The following IGSF10 variants were observed in gnomAD, a reference collection of about 807,000 sequenced individuals.
IGSF10 encodes immunoglobulin superfamily member 10.
A neutral mutation model predicts 128.2 loss-of-function variants in IGSF10; 126 were observed. That is an observed-to-expected ratio of 0.98 (90% CI 0.85 to 1.14). The LOEUF is 1.14. IGSF10 is among the 50% of genes most tolerant of loss of function. The pLI, the probability that IGSF10 is intolerant of heterozygous loss-of-function variation, is 0.00. For synonymous variants in IGSF10, 1,185 were observed against 1,146.2 expected (o/e 1.03, Z -0.68); for missense variants, 3,295 against 3,149.8 (o/e 1.05, Z -1.10).
chr3:151,518,232 CTG>C, the IGSF10 span, among the ~76,000 whole-genome samples: 6 of 151,970 alleles, frequency 3.9e-5, no homozygotes, highest in Non-Finnish European at 5.9e-5. Context: ...ACTGTTCAAA[CTG>C]TGTTCAAATA....
chr3:151,460,962 C>T lies in IGSF10; in HGVS notation c.-105G>A. 1 of 985,356 alleles carries T rather than the reference C, an allele frequency of 1.0e-6. No individual in the cohort carries two copies. Among genetic ancestry groups the T allele is most frequent in the South Asian group, 4.7e-5 (1 of 21,284 alleles). The allele number at this position is 985,356 out of a possible 1,614,324, so 61.0% of individuals were successfully genotyped here. A position where few individuals can be genotyped will look rare whatever the true frequency, so the allele number is the denominator to read the frequency against. On this transcript the variant is annotated 5_prime_UTR_variant, in exon 1 of 8. Transcript: ENST00000282466. ...GGCGCTCACCTGTTTGCCCTGGTGA[C>T]CAATGGGCTCGAGCTGCCCGGGCTA... is the stretch of plus-strand genomic sequence containing the variant.
At chr3:151,522,563 C>T in the IGSF10 span, among the ~76,000 whole-genome samples, 1 of 152,188 alleles carries the variant, frequency 6.6e-6, no homozygotes, top group Admixed American at 6.5e-5. Flanking sequence ...TGTGATTCAT[C>T]ACATAAACAG....
At chr3:151,573,378 T>A in the IGSF10 span, among the ~76,000 whole-genome samples, 2 of 152,188 alleles carry the variant, frequency 1.3e-5, no homozygotes, top group African/African-American at 4.8e-5. Flanking sequence ...TCTTTGTAGG[T>A]CTCTAAGGTC....
chr3:151,540,757 C>A, the IGSF10 span, among the ~76,000 whole-genome samples: 2 of 152,108 alleles, frequency 1.3e-5, no homozygotes, highest in African/African-American at 2.4e-5. Context: ...CAGCAGTGTA[C>A]AAAAATTCCA....
At chr3:151,479,831 T>C in the IGSF10 span, among the ~76,000 whole-genome samples, 3 of 152,232 alleles carry the variant, frequency 2.0e-5, no homozygotes, top group Non-Finnish European at 1.5e-5. Flanking sequence ...CCTCCTCTTC[T>C]ATGCCACTGC....
chr3:151,506,788 C>A, the IGSF10 span, among the ~76,000 whole-genome samples: 2 of 151,892 alleles, frequency 1.3e-5, no homozygotes, highest in Non-Finnish European at 2.9e-5. Context: ...CTTATGGCAA[C>A]AAAACCAGTA....
At chr3:151,591,832 G>A in the IGSF10 span, among the ~76,000 whole-genome samples, 2 of 152,044 alleles carry the variant, frequency 1.3e-5, no homozygotes, top group Non-Finnish European at 2.9e-5. Flanking sequence ...ACTGTTTTAT[G>A]AAAGATGCAA....
the IGSF10 span, among the ~76,000 whole-genome samples, chr3:151,596,781 T>C: frequency 6.6e-6 from 1 of 152,172 alleles, no homozygotes; most frequent in African/African-American, 2.4e-5. Context: ...TGGGTGAGCA[T>C]GTAAACTAAA....
chr3:151,500,651 T>C, the IGSF10 span, among the ~76,000 whole-genome samples: 1 of 152,088 alleles, frequency 6.6e-6, no homozygotes, highest in Non-Finnish European at 1.5e-5. Context: ...AATGAAGAAA[T>C]CGAGACTCAA....
At chr3:151,606,361 C>A in the IGSF10 span, among the ~76,000 whole-genome samples, 10 of 152,142 alleles carry the variant, frequency 6.6e-5, no homozygotes, top group South Asian at 2.1e-4. Flanking sequence ...TTTCGTTATG[C>A]AAATTTCAGA....
At chr3:151,466,949 T>C in the IGSF10 span, among the ~76,000 whole-genome samples, 2 of 151,642 alleles carry the variant, frequency 1.3e-5, no homozygotes, top group African/African-American at 2.4e-5. Flanking sequence ...AATGAGGAAG[T>C]TATAATTTGG....
chr3:151,513,314 C>CAA, the IGSF10 span, among the ~76,000 whole-genome samples: 1,957 of 142,080 alleles, frequency 0.014, 85 homozygotes, highest in East Asian at 0.17. Flanking sequence ...GTTCAACATA[C>CAA]AAAAAAAAAA....
In IGSF10 at chr3:151,448,802, C is replaced by T. The variant is rs1240960751; in HGVS notation, c.1179G>A (p.Leu393=). Residue 393 remains leucine, a synonymous_variant, in exon 6 of 8, where the codon TTG becomes TTA. Transcript: ENST00000282466. ...DSPLILERSH[L]LSETPQLYYK... The stretch of plus-strand genomic sequence containing the variant: ...AATAGAGCTGCGGTGTTTCACTAAG[C>T]AAGTGGCTCCTTTCTAGTATCAGAG... 1.2e-6 allele frequency: 2 copies of T among 1,613,446 alleles called. No individual in the cohort carries two copies. Among genetic ancestry groups the T allele is most frequent in the Non-Finnish European group, 1.7e-6 (2 of 1,179,392 alleles).
At chr3:151,574,123 G>A in the IGSF10 span, among the ~76,000 whole-genome samples, 47 of 152,244 alleles carry the variant, frequency 3.1e-4, no homozygotes, top group African/African-American at 7.0e-4. Context: ...TGGGTAACCC[G>A]ACCTTTCTCT....
the IGSF10 span, among the ~76,000 whole-genome samples, chr3:151,502,895 A>G: frequency 6.6e-6 from 1 of 152,072 alleles, no homozygotes; most frequent in Non-Finnish European, 1.5e-5. Flanking sequence ...GGCCTTAGCA[A>G]ATTTGAACTT....
chr3:151,529,617 C>A, the IGSF10 span, among the ~76,000 whole-genome samples: 3 of 152,120 alleles, frequency 2.0e-5, no homozygotes, highest in Admixed American at 2.0e-4. Flanking sequence ...GCAGAGGGGT[C>A]TGACTGTTAG....
At chr3:151,594,297 A>G in the IGSF10 span, among the ~76,000 whole-genome samples, 1 of 151,744 alleles carries the variant, frequency 6.6e-6, no homozygotes, top group East Asian at 1.9e-4. Flanking sequence ...AGAGCTGTGA[A>G]TAAAGATTCC....
chr3:151,614,663 G>A, the IGSF10 span, among the ~76,000 whole-genome samples: 1 of 151,702 alleles, frequency 6.6e-6, no homozygotes, highest in African/African-American at 2.4e-5. Flanking sequence ...ACACACCGGG[G>A]ACTGTTGTGG....
rs370790585 is a variant in IGSF10, at chr3:151,443,389, A to G, written c.5558T>C (p.Val1853Ala). ...TTTTAAACTTTCACCCCAAGTGCCT[A>G]CAATGACTTGCCTCCTTTGCTCTAG... ...VILEQRRQVI[V>A]GTWGESLKLP... Residue 1853 changes from valine to alanine, a missense_variant, in exon 7 of 8, where the codon GTA becomes GCA. Transcript: ENST00000282466. 4 of 1,614,136 alleles carry G rather than the reference A, an allele frequency of 2.5e-6. No homozygotes were observed. The highest frequency in any genetic ancestry group is 1.3e-5 in the African/African-American group (1 of 74,946).
Sources: allele counts gnomAD v4.1 joint callset (sites outside exome capture counted in the v4.1 genomes callset), GRCh38; gene constraint gnomAD v4.1.1; transcripts MANE v1.5; gene names NCBI Gene and HGNC (gene_info 2026-07-23, HGNC 2026-07-21).